RASGRF2: variants seen among roughly 807,000 people sequenced by gnomAD.
RASGRF2 encodes ras-specific guanine nucleotide-releasing factor 2.
Under a neutral mutation model 151.0 loss-of-function variants are expected in RASGRF2, and 76 were observed. The ratio of observed to expected loss-of-function variants is 0.50; its 90% CI spans 0.42 to 0.61. The LOEUF is 0.61. Ranked by LOEUF, RASGRF2 falls within the 20% of genes least tolerant of loss-of-function variation. The pLI, the probability that RASGRF2 is intolerant of heterozygous loss-of-function variation, is 0.00. For synonymous variants in RASGRF2, 504 were observed against 566.5 expected, an observed-to-expected ratio of 0.89 and a Z score of 1.57; for missense variants, 1,148 against 1,564.6, an observed-to-expected ratio of 0.73 and a Z score of 4.49.
chr5:81,192,721 C>G (rs1755176921), intron 18 of RASGRF2, among the ~76,000 whole-genome samples: 1 of 152,214 alleles, frequency 6.6e-6, no homozygotes, highest in Non-Finnish European at 1.5e-5. Flanking sequence ...GAGGTTGTCT[C>G]TAGTTCATGA....
chr5:80,981,944 A>C (rs780003276), intron 1 of RASGRF2, among the ~76,000 whole-genome samples: 4 of 152,224 alleles, frequency 2.6e-5, no homozygotes, highest in Non-Finnish European at 5.9e-5. Flanking sequence ...CTTTAAAGAA[A>C]AATTTTGTAA....
rs114613070 is a variant in RASGRF2 at position 81,091,083 on chromosome 5, C to T, written c.1391-1718C>T. Among the ~76,000 whole-genome samples the T allele has an allele frequency of 2.7e-3, 414 of 152,296 alleles. 2 individuals carry two copies. The highest frequency in any genetic ancestry group is 9.4e-3 in the African/African-American group (392 of 41,566). On this transcript the variant is annotated intron_variant, in intron 9 of 26. Transcript: ENST00000265080. ...TTTATGTGGCTGAATCCCCTGGCTA[C>T]ATCACTCCCTTCTCACTTAGGCATG...
At chr5:81,185,980 C>A (rs753568725) in intron 18 of RASGRF2, among the ~76,000 whole-genome samples, 5 of 152,128 alleles carry the variant, frequency 3.3e-5, no homozygotes, top group Non-Finnish European at 7.3e-5. Context: ...AGCAGTAATG[C>A]CATTTGATGA....
intron 4 of RASGRF2, 88 bp downstream of exon 4, chr5:81,070,669 C>G: frequency 8.7e-7 from 1 of 1,146,992 alleles, no homozygotes; most frequent in Non-Finnish European, 1.3e-6. Flanking sequence ...GTGCGTGAGC[C>G]GGGAGCAGCC....
chr5:81,065,432 G>A (rs1013393537), intron 2 of RASGRF2, among the ~76,000 whole-genome samples: 1 of 152,102 alleles, frequency 6.6e-6, no homozygotes, highest in African/African-American at 2.4e-5. Context: ...TCTGTTCTCA[G>A]AGTCCAGCTC....
intron 1 of RASGRF2, among the ~76,000 whole-genome samples, chr5:81,004,353 G>A (rs994585230): frequency 1.2e-4 from 19 of 152,226 alleles, no homozygotes; most frequent in African/African-American, 4.6e-4. Context: ...GATGTGGCAC[G>A]TTATTTGTTG....
rs374340604 is a variant in RASGRF2 at position 81,178,783 on chromosome 5, T to G, written c.2687-1392T>G. 4.6e-3 allele frequency among the ~76,000 whole-genome samples: 702 copies of G among 152,060 alleles called. 9 individuals are homozygous for G. Among genetic ancestry groups the G allele is most frequent in the East Asian group, 0.022 (113 of 5,160 alleles). ...AGACGGAGTCTCGCTCTGTCGCCCA[T>G]GCTGGAGTGCAGTGGCGCCGTCTTG... On this transcript the variant is annotated intron_variant, in intron 17 of 26. Transcript: ENST00000265080.
chr5:81,029,209 TC>T (rs955773526), intron 1 of RASGRF2, among the ~76,000 whole-genome samples: 1 of 152,190 alleles, frequency 6.6e-6, no homozygotes, highest in African/African-American at 2.4e-5. Context: ...CTCTGTAGAC[TC>T]CACCTCTGAG....
At position 81,094,371 on chromosome 5, in the gene RASGRF2, C is replaced by T; in HGVS notation, c.1618+9C>T. 2 of 1,606,294 alleles carry T rather than the reference C, an allele frequency of 1.2e-6. No homozygotes were observed. Among genetic ancestry groups the T allele is most frequent in the Non-Finnish European group, 1.7e-6 (2 of 1,174,804 alleles). On this transcript the variant is annotated intron_variant, in intron 11 of 26. Transcript: ENST00000265080. ...TGCAAGCGATGATGACTGTAAGTCA[C>T]CTTCGATCACTTAGGATTCTATTAG...
intron 17 of RASGRF2, among the ~76,000 whole-genome samples, chr5:81,129,052 T>C (rs1293512417): frequency 6.6e-6 from 1 of 152,126 alleles, no homozygotes; most frequent in African/African-American, 2.4e-5. Context: ...GGCAGGAGAA[T>C]CACTTGAACC....
intron 17 of RASGRF2, among the ~76,000 whole-genome samples, chr5:81,149,207 G>A (rs202007303): frequency 6.6e-6 from 1 of 152,198 alleles, no homozygotes; most frequent in Non-Finnish European, 1.5e-5. Context: ...ACTCACAATT[G>A]CAGAAATATG....
intron 17 of RASGRF2, among the ~76,000 whole-genome samples, chr5:81,149,800 T>C (rs1754093272): frequency 6.6e-6 from 1 of 152,172 alleles, no homozygotes; most frequent in South Asian, 2.1e-4. Flanking sequence ...TTAAAGTATC[T>C]AATTCAGTGG....
intron 1 of RASGRF2, among the ~76,000 whole-genome samples, chr5:81,033,082 A>G (rs1750327870): frequency 6.6e-6 from 1 of 151,218 alleles, no homozygotes; most frequent in African/African-American, 2.4e-5. Context: ...TAGGAATCCA[A>G]CTTACAAGGG....
chr5:81,023,340 C>T (rs1183783505), intron 1 of RASGRF2, among the ~76,000 whole-genome samples: 4 of 152,238 alleles, frequency 2.6e-5, no homozygotes, highest in African/African-American at 2.4e-5. Flanking sequence ...TGACCCAGTA[C>T]TTGGTAATGT....
intron 17 of RASGRF2, among the ~76,000 whole-genome samples, chr5:81,149,097 A>G (rs1299947236): frequency 1.3e-5 from 2 of 152,222 alleles, no homozygotes; most frequent in Non-Finnish European, 1.5e-5. Context: ...TCCTTAAAGA[A>G]CTAAAAGTAG....
intron 12 of RASGRF2, among the ~76,000 whole-genome samples, chr5:81,104,284 AAAAT>A: frequency 6.6e-6 from 1 of 152,246 alleles, no homozygotes; most frequent in African/African-American, 2.4e-5. Context: ...TTCATAATAA[AAAAT>A]AAAAACATTA....
intron 1 of RASGRF2, among the ~76,000 whole-genome samples, chr5:81,029,871 T>C (rs1250011098): frequency 6.6e-6 from 1 of 152,160 alleles, no homozygotes; most frequent in Non-Finnish European, 1.5e-5. Context: ...AAGGAGGATG[T>C]TTGAACCCAA....
intron 1 of RASGRF2, among the ~76,000 whole-genome samples, chr5:81,015,337 G>C (rs1461145954): frequency 4.6e-5 from 7 of 152,176 alleles, no homozygotes. Context: ...TTGAGGAATC[G>C]CCACACTGTC....
intron 17 of RASGRF2, among the ~76,000 whole-genome samples, chr5:81,159,538 C>T (rs1383161243): frequency 2.0e-5 from 3 of 152,124 alleles, no homozygotes; most frequent in Admixed American, 6.5e-5. Flanking sequence ...GACAGAAAAC[C>T]GATTAGTGAT....
Sources: allele counts gnomAD v4.1 joint callset (sites outside exome capture counted in the v4.1 genomes callset), GRCh38; gene constraint gnomAD v4.1.1; transcripts MANE v1.5; gene names NCBI Gene and HGNC (gene_info 2026-07-23, HGNC 2026-07-21).